GLG1: variants seen among roughly 807,000 people sequenced by gnomAD.
The protein encoded by GLG1 is Golgi apparatus protein 1.
A neutral mutation model predicts 160.5 loss-of-function variants in GLG1; 38 were observed. The ratio of observed to expected loss-of-function variants is 0.24; its 90% confidence interval spans 0.18 to 0.31. The LOEUF (loss-of-function observed/expected upper bound fraction) is 0.31. Ranked by LOEUF, GLG1 falls within the 10% of genes least tolerant of loss-of-function variation. The pLI is 1.00. For missense variants in GLG1, 1,373 were observed against 1,505.2 expected, an observed-to-expected ratio of 0.91 and a Z score of 1.45; for synonymous variants, 644 against 543.4, an observed-to-expected ratio of 1.19 and a Z score of -2.57.
chr16:74,492,096 T>C (rs2016016869), intron 7 of GLG1, among the ~76,000 whole-genome samples: 1 of 151,262 alleles, frequency 6.6e-6, no homozygotes, highest in South Asian at 2.1e-4. Context: ...ATTTCAAAAA[T>C]GAAAACTAGG....
At chr16:74,457,772 C>T (rs2014616442) in intron 24 of GLG1, 102 bp downstream of exon 24, 2 of 1,073,640 alleles carry the variant, frequency 1.9e-6, no homozygotes, top group South Asian at 3.3e-5. Flanking sequence ...GCTACAACTA[C>T]AGACCATACA....
Position 74,477,478 on chromosome 16 carries a change from T to C in GLG1, c.1883A>G (p.Asp628Gly), listed in dbSNP as rs1223315800. The C allele has an allele frequency of 1.2e-6, 2 of 1,612,750 alleles. No homozygotes were observed. Among genetic ancestry groups the C allele is most frequent in the East Asian group, 2.2e-5 (1 of 44,880 alleles). The change falls in exon 12 of 26, where the codon GAT (aspartate) becomes GGT (glycine). Residue 628 changes from aspartate to glycine, a missense_variant. By Grantham distance (94) the Asp-to-Gly change is moderately conservative. This residue lies in a region of GLG1 where 386 missense variants were observed against 388.5 expected (regional missense o/e 0.99). Transcript: ENST00000422840. ...CTGGAGGGCAGGATCCAGCTTGACA[T>C]CCATGGCACGCTGGTGTAGGATCCT... ...VQRILHQRAMDVKLDPALQDK... is the reference protein window; with the variant it reads ...VQRILHQRAMGVKLDPALQDK...
intron 1 of GLG1, among the ~76,000 whole-genome samples, chr16:74,550,540 A>G (rs1196981151): frequency 2.6e-5 from 4 of 152,160 alleles, no homozygotes; most frequent in African/African-American, 9.7e-5. Flanking sequence ...TCAATGTGCT[A>G]TTTTGGGCCA....
At position 74,459,769 on chromosome 16, in the gene GLG1, T is replaced by G. The variant is rs775876392; in HGVS notation, c.3057A>C (p.Glu1019Asp). The G allele has an allele frequency of 2.1e-5, 34 of 1,602,676 alleles. No homozygotes were observed. The highest frequency in any genetic ancestry group is 2.9e-5 in the Non-Finnish European group (34 of 1,171,092). Residue 1019 changes from glutamate (E) to aspartate (D), a missense_variant, in exon 23 of 26, where the codon GAA (glutamate) becomes GAC (aspartate). By Grantham distance (45) the Glu-to-Asp change is conservative. This residue lies in a region of GLG1 where 491 missense variants were observed against 632.1 expected (regional missense o/e 0.78). Transcript: ENST00000422840. ...CSDEISSLCA[E>D]EAAAQEQTGQ... Reference sequence around the variant, plus strand: ...CTGTCTGCTCTTGGGCTGCTGCTTCTTCAGCACATAGACTGGAGATCTGTT... The same window carrying G: ...CTGTCTGCTCTTGGGCTGCTGCTTCGTCAGCACATAGACTGGAGATCTGTT...
In GLG1 at chr16:74,567,076, C is replaced by T. The variant is rs961676488; in HGVS notation, c.439-34923G>A. Among the ~76,000 whole-genome samples the T allele has an allele frequency of 4.0e-5, 6 of 151,890 alleles. No individual in the cohort carries two copies. The South Asian group carries it at 6.2e-4, about 16-fold the overall frequency. On this transcript the variant is annotated intron_variant, in intron 1 of 25. Coordinates refer to ENST00000422840, the MANE Select transcript of GLG1 (RefSeq NM_001145667.2). ...AAGAATCTAAGAAAACCTTTCAGGC[C>T]GCTTAATGGGTCTCCTAAAATCTAG... is the stretch of plus-strand genomic sequence containing the variant.
intron 22 of GLG1, among the ~76,000 whole-genome samples, chr16:74,460,523 G>A (rs2014748865): frequency 6.6e-6 from 1 of 152,210 alleles, no homozygotes; most frequent in African/African-American, 2.4e-5. Context: ...CGCAGGATCT[G>A]TGCCCCCTCT....
intron 1 of GLG1, among the ~76,000 whole-genome samples, chr16:74,570,357 C>T (rs1320777040): frequency 6.6e-6 from 1 of 152,164 alleles, no homozygotes; most frequent in East Asian, 1.9e-4. Flanking sequence ...TCTTTTAATT[C>T]ACATAATAAT....
At chr16:74,493,975 G>C (rs1382054478) in intron 6 of GLG1, among the ~76,000 whole-genome samples, 1 of 151,970 alleles carries the variant, frequency 6.6e-6, no homozygotes, top group African/African-American at 2.4e-5. Context: ...AGGAGTTTGA[G>C]AGCAGCTTGG....
intron 1 of GLG1, among the ~76,000 whole-genome samples, chr16:74,593,566 C>G (rs1001024698): frequency 8.6e-5 from 13 of 151,638 alleles, no homozygotes; most frequent in Non-Finnish European, 1.5e-4. Flanking sequence ...TCCTGAGTAG[C>G]TGGGATTACA....
At chr16:74,483,861 G>T (rs7193125) in intron 9 of GLG1, among the ~76,000 whole-genome samples, 24,579 of 151,818 alleles carry the variant, frequency 0.16, 2,189 homozygotes, top group Middle Eastern at 0.2. Context: ...GGGTTTCACT[G>T]TGTTAGCCAG....
intron 7 of GLG1, 130 bp from the exon 8 acceptor site, chr16:74,491,345 A>G: frequency 1.4e-6 from 1 of 706,444 alleles, no homozygotes; most frequent in Non-Finnish European, 2.4e-6. Flanking sequence ...TAACATCTGA[A>G]AAGTTTAGAA....
chr16:74,523,532 A>C (rs1445136626), intron 2 of GLG1, among the ~76,000 whole-genome samples: 1 of 152,080 alleles, frequency 6.6e-6, no homozygotes, highest in Non-Finnish European at 1.5e-5. Flanking sequence ...GAGCATTCAC[A>C]TTTTTTATAA....
intron 3 of GLG1, 55 bp from the exon 4 acceptor site, chr16:74,503,801 A>G (rs1345534371): frequency 1.8e-6 from 2 of 1,113,662 alleles, no homozygotes; most frequent in Non-Finnish European, 1.3e-6. Context: ...GTATCAAACA[A>G]TATTTATCAA....
chr16:74,570,010 C>T lies in GLG1; in HGVS notation c.438+36647G>A, dbSNP rs1328993661. Among the ~76,000 whole-genome samples the T allele has an allele frequency of 2.0e-5, 3 of 147,538 alleles. No homozygotes were observed. In the South Asian group the frequency reaches 6.4e-4, roughly 31 times the overall value. Reference sequence around the variant, plus strand: ...CCAGTTTGGGCAACACAGCAAACCCCGTCTCAAAAAAAAGAAAAGGAAAGA... The same window carrying T: ...CCAGTTTGGGCAACACAGCAAACCCTGTCTCAAAAAAAAGAAAAGGAAAGA... On this transcript the variant is annotated intron_variant, in intron 1 of 25. Coordinates refer to ENST00000422840, the MANE Select transcript of GLG1 (RefSeq NM_001145667.2).
At chr16:74,498,400 C>A (rs1324886697) in intron 4 of GLG1, among the ~76,000 whole-genome samples, 1 of 119,846 alleles carries the variant, frequency 8.3e-6, no homozygotes, top group Non-Finnish European at 1.7e-5. Context: ...CCACTGCACT[C>A]CAGACTGGGA....
chr16:74,567,159 T>TTGTGTG (rs141148832), intron 1 of GLG1, among the ~76,000 whole-genome samples: 1 of 150,106 alleles, frequency 6.7e-6, no homozygotes, highest in Non-Finnish European at 1.5e-5. Context: ...TTACATGTAA[T>TTGTGTG]TGTGTGTGTG....
rs893771191 is a variant in GLG1 at position 74,503,353 on chromosome 16, T to C, written c.774+178A>G. 9.8e-5 allele frequency among the ~76,000 whole-genome samples: 15 copies of C among 152,298 alleles called. 2 individuals are homozygous for C. The highest frequency in any genetic ancestry group is 2.4e-5 in the African/African-American group (1 of 41,576). The stretch of plus-strand genomic sequence containing the variant: ...CCCATACAGTACTGAAAAATTTTGC[T>C]ACAAACACATGAAATACATTGTCAA... On this transcript the variant is annotated intron_variant, in intron 4 of 25. Coordinates refer to ENST00000422840, the MANE Select transcript of GLG1 (RefSeq NM_001145667.2).
At chr16:74,526,776 C>G (rs1475819915) in intron 2 of GLG1, among the ~76,000 whole-genome samples, 3 of 152,164 alleles carry the variant, frequency 2.0e-5, no homozygotes, top group Non-Finnish European at 4.4e-5. Context: ...TGGAGAAATA[C>G]TGTATGTGCA....
intron 17 of GLG1, chr16:74,468,628 A>G: frequency 3.9e-6 from 1 of 257,784 alleles, no homozygotes; most frequent in Non-Finnish European, 7.6e-6. Context: ...CGGCCTCCCA[A>G]AGTGCTGGGA....
Sources: gnomAD v4.1 joint callset for allele counts (sites outside exome capture counted in the v4.1 genomes callset) on GRCh38, gnomAD v4.1.1 for gene constraint, gnomAD v4.1.1 regional missense constraint, MANE v1.5 for transcripts, NCBI Gene and HGNC (gene_info 2026-07-23, HGNC 2026-07-21) for gene names.